KLF12: variants seen among roughly 807,000 people sequenced by gnomAD.
KLF12 encodes the protein Krueppel-like factor 12.
KLF12 carries 9 observed loss-of-function variants against 37.8 expected under a neutral mutation model. The ratio of observed to expected loss-of-function variants is 0.24; its 90% confidence interval spans 0.14 to 0.42. The LOEUF is 0.42. KLF12 is among the 10% of genes least tolerant of loss of function. The pLI, the probability that KLF12 is intolerant of heterozygous loss-of-function variation, is 1.00. For missense variants in KLF12, 411 were observed against 516.0 expected, an observed-to-expected ratio of 0.80 and a Z score of 1.97; for synonymous variants, 208 against 202.1, an observed-to-expected ratio of 1.03 and a Z score of -0.25.
intron 2 of KLF12, among the ~76,000 whole-genome samples, chr13:73,945,991 T>G (rs1890406263): frequency 6.6e-6 from 1 of 152,140 alleles, no homozygotes. Flanking sequence ...GTCACTGGCT[T>G]CCGAGGTTGG....
intron 1 of KLF12, among the ~76,000 whole-genome samples, chr13:74,074,278 G>C (rs1317342455): frequency 6.6e-6 from 1 of 152,150 alleles, no homozygotes; most frequent in Non-Finnish European, 1.5e-5. Context: ...AAGTACAGGA[G>C]GGATGAACAA....
rs1278944791 is a variant in KLF12, at chr13:73,689,229, C to G, written c.*6261G>C. On this transcript the variant is annotated 3_prime_UTR_variant, in exon 8 of 8. Transcript: ENST00000377669. ...TGACACTTAATTGGTTATTTTACCCCCTTATCCTGGTACATTTCCGTCTCC... is the reference window on the plus strand; with the variant it reads ...TGACACTTAATTGGTTATTTTACCCGCTTATCCTGGTACATTTCCGTCTCC... 6.6e-6 allele frequency: 1 copy of G among 152,074 alleles called. No homozygotes were observed. The allele number at this position is 152,074 out of a possible 1,614,324, so 9.4% of individuals were successfully genotyped here. A position where few individuals can be genotyped will look rare whatever the true frequency, so the allele number is the denominator to read the frequency against.
intron 1 of KLF12, among the ~76,000 whole-genome samples, chr13:74,026,435 T>G (rs1209653445): frequency 2.0e-5 from 3 of 152,158 alleles, no homozygotes; most frequent in Non-Finnish European, 4.4e-5. Flanking sequence ...AAACTAAAAT[T>G]TTAAGTTGTA....
At chr13:74,140,703 G>GCC in the KLF12 span, among the ~76,000 whole-genome samples, 10 of 152,056 alleles carry the variant, frequency 6.6e-5, no homozygotes, top group South Asian at 2.1e-3. Context: ...TACAACTCCT[G>GCC]TTGCATAGCC....
intron 5 of KLF12, among the ~76,000 whole-genome samples, chr13:73,805,079 C>G (rs746313951): frequency 6.6e-6 from 1 of 152,130 alleles, no homozygotes; most frequent in Non-Finnish European, 1.5e-5. Context: ...TCAAAGGGTG[C>G]AAAATAAGTT....
At chr13:73,801,459 CTT>C (rs1343540827) in intron 5 of KLF12, 11 of 151,994 alleles carry the variant, frequency 7.2e-5, no homozygotes, top group Non-Finnish European at 1.5e-4. Context: ...TGTAGTGAAA[CTT>C]ATTAATATTT....
chr13:73,928,706 T>C (rs1889523780), intron 3 of KLF12, among the ~76,000 whole-genome samples: 1 of 152,240 alleles, frequency 6.6e-6, no homozygotes, highest in Admixed American at 6.5e-5. Flanking sequence ...CTGTCTTACC[T>C]AACATGCTTT....
chr13:73,704,821 T>C (rs139796234), intron 7 of KLF12, among the ~76,000 whole-genome samples: 47 of 152,310 alleles, frequency 3.1e-4, no homozygotes, highest in African/African-American at 1.1e-3. Context: ...CTTACCACTG[T>C]ATCCCCAGGG....
chr13:74,151,484 C>A, the KLF12 span, among the ~76,000 whole-genome samples: 1 of 151,774 alleles, frequency 6.6e-6, no homozygotes, highest in East Asian at 1.9e-4. Context: ...AAACCTGTGT[C>A]TACAAAAAAA....
chr13:73,957,095 G>GGAAAGGAAA (rs1890869119), intron 2 of KLF12, among the ~76,000 whole-genome samples: 1 of 101,178 alleles, frequency 9.9e-6, no homozygotes, highest in African/African-American at 3.3e-5. Context: ...GGAAAGGAAA[G>GGAAAGGAAA]GAAAGGAAAG....
the KLF12 span, among the ~76,000 whole-genome samples, chr13:74,281,736 T>C: frequency 1.3e-5 from 2 of 152,196 alleles, no homozygotes; most frequent in African/African-American, 4.8e-5. Flanking sequence ...CATTCTCCAT[T>C]TTGGAAGATT....
At chr13:73,715,105 C>T (rs1875698921) in intron 7 of KLF12, among the ~76,000 whole-genome samples, 1 of 152,040 alleles carries the variant, frequency 6.6e-6, no homozygotes. Context: ...AACTGATAGC[C>T]TATATAATGA....
chr13:73,799,916 G>C (rs1882196911), intron 5 of KLF12, among the ~76,000 whole-genome samples: 1 of 152,106 alleles, frequency 6.6e-6, no homozygotes, highest in Non-Finnish European at 1.5e-5. Context: ...ACTTTCTGCT[G>C]AAAGGTCATG....
chr13:73,858,272 T>C (rs1188451126), intron 3 of KLF12, among the ~76,000 whole-genome samples: 1 of 152,190 alleles, frequency 6.6e-6, no homozygotes, highest in Non-Finnish European at 1.5e-5. Context: ...AAATATTCTA[T>C]ACTGTTAAAA....
intron 3 of KLF12, among the ~76,000 whole-genome samples, chr13:73,859,173 T>A (rs1006850246): frequency 7.9e-5 from 12 of 152,190 alleles, no homozygotes; most frequent in Non-Finnish European, 1.8e-4. Flanking sequence ...CCAATGCACT[T>A]CAGTCTTCAG....
chr13:74,032,230 T>C (rs1354123815), intron 1 of KLF12, among the ~76,000 whole-genome samples: 4 of 152,150 alleles, frequency 2.6e-5, no homozygotes, highest in Non-Finnish European at 5.9e-5. Context: ...GGACTCTCCT[T>C]AACATTTCTA....
In KLF12 at chr13:73,776,416, G is replaced by A. The variant is rs113643981; in HGVS notation, c.807-11416C>T. Among the ~76,000 whole-genome samples, 20 of 152,306 alleles carry A rather than the reference G, an allele frequency of 1.3e-4. 1 individual carries two copies. The highest frequency in any genetic ancestry group is 4.1e-4 in the African/African-American group (17 of 41,568). On this transcript the variant is annotated intron_variant, in intron 5 of 7. Coordinates refer to ENST00000377669, the MANE Select transcript of KLF12 (RefSeq NM_007249.5). ...CAGGCCTTGGCATCTGAGTGTAAGA[G>A]CTGCCAAACACATAAATCAGTACCC... is the stretch of plus-strand genomic sequence containing the variant.
chr13:73,912,857 CCTT>C (rs1000400490), intron 3 of KLF12, among the ~76,000 whole-genome samples: 1 of 152,046 alleles, frequency 6.6e-6, no homozygotes, highest in Non-Finnish European at 1.5e-5. Context: ...ATATTAAGCT[CCTT>C]CTTCTCCCCT....
At chr13:74,046,050 ACT>A (rs1442183066) in intron 1 of KLF12, among the ~76,000 whole-genome samples, 3 of 152,034 alleles carry the variant, frequency 2.0e-5, no homozygotes, top group Non-Finnish European at 4.4e-5. Context: ...TAGGAACTTA[ACT>A]CTTGTTCCTA....
Sources: allele counts gnomAD v4.1 joint callset (sites outside exome capture counted in the v4.1 genomes callset), GRCh38; gene constraint gnomAD v4.1.1; transcripts MANE v1.5; gene names NCBI Gene and HGNC (gene_info 2026-07-23, HGNC 2026-07-21).